ANK3: variants seen among roughly 807,000 people sequenced by gnomAD.
ANK3 encodes the protein ankyrin 3.
Under a neutral mutation model 370.9 loss-of-function variants are expected in ANK3, and 57 were observed. The observed-to-expected ratio is 0.15, with a 90% CI of 0.12 to 0.19. The LOEUF (loss-of-function observed/expected upper bound fraction) is 0.19. Ranked by LOEUF, ANK3 falls within the 10% of genes least tolerant of loss-of-function variation. The pLI, the probability that ANK3 is intolerant of heterozygous loss-of-function variation, is 1.00. For missense variants in ANK3, 4,439 were observed against 5,302.1 expected, an observed-to-expected ratio of 0.84 and a Z score of 5.06; for synonymous variants, 1,929 against 1,946.3, an observed-to-expected ratio of 0.99 and a Z score of 0.23.
chr10:60,308,433 G>T (rs10443912), intron 1 of ANK3, among the ~76,000 whole-genome samples: 1 of 151,226 alleles, frequency 6.6e-6, no homozygotes, highest in Non-Finnish European at 1.5e-5. Flanking sequence ...GCACCAGCAC[G>T]CCTGGCTAAT....
intron 1 of ANK3, among the ~76,000 whole-genome samples, chr10:60,297,425 TATGA>T (rs1238372190): frequency 6.6e-6 from 1 of 152,198 alleles, no homozygotes; most frequent in African/African-American, 2.4e-5. Context: ...TATTAGTAAC[TATGA>T]ATATTTCCCT....
At chr10:60,698,158 C>A (rs1303375694) in intron 1 of ANK3, among the ~76,000 whole-genome samples, 1 of 151,548 alleles carries the variant, frequency 6.6e-6, no homozygotes, top group African/African-American at 2.4e-5. Flanking sequence ...AAAATGCTCA[C>A]CATCAGTGGC....
Position 60,070,430 on chromosome 10 carries a change from C to A in ANK3, c.10451G>T (p.Ser3484Ile). Residue 3484 changes from serine (S) to isoleucine (I), a missense_variant, in exon 37 of 44, where the codon AGT becomes ATT. By Grantham distance (142) the Ser-to-Ile change is moderately radical. Around this residue, in one of 13 missense-constraint regions of ANK3, gnomAD observed 1,601 missense variants for 1,731.7 expected, o/e 0.92. Coordinates refer to ENST00000280772, the MANE Select transcript of ANK3 (RefSeq NM_020987.5). The surrounding 1 kb of genome is among the most constrained non-coding windows in gnomAD (Gnocchi z 5.7). ...GPDEDKPPSK[S>I]SSSEKTPDKT... ...ATCAGGAGTCTTTTCAGATGAAGAA[C>A]TTTTAGAAGGTGGCTTGTCCTCATC... The A allele has an allele frequency of 6.2e-7, 1 of 1,614,082 alleles. No individual in the cohort carries two copies. Among genetic ancestry groups the A allele is most frequent in the Non-Finnish European group, 8.5e-7 (1 of 1,180,012 alleles).
At chr10:60,363,962 G>A (rs7917429) in intron 1 of ANK3, among the ~76,000 whole-genome samples, 54,745 of 148,016 alleles carry the variant, frequency 0.37, 10,886 homozygotes, top group Middle Eastern at 0.5. Flanking sequence ...AAAAGAGGAA[G>A]GAGAAGTGTT....
rs142142821 is a variant in ANK3 at position 60,280,556 on chromosome 10, T to C, written c.115-917A>G. The stretch of plus-strand genomic sequence containing the variant: ...CTAAACTCTAACATCTATAATTTCA[T>C]AGTTGAAACCACCTACTATTGAAAT... On this transcript the variant is annotated intron_variant, in intron 1 of 43. Transcript: ENST00000280772. Among the ~76,000 whole-genome samples the C allele has an allele frequency of 2.2e-3, 342 of 152,306 alleles. 1 individual carries two copies. The highest frequency in any genetic ancestry group is 7.9e-3 in the African/African-American group (329 of 41,576).
rs397844967 is a variant in ANK3, at chr10:60,169,364, G to GTTTGTTTTTTT, written c.2479-2469_2479-2468insAAAAAAACAAA. Among the ~76,000 whole-genome samples the GTTTGTTTTTTT allele has an allele frequency of 3.1e-4, 16 of 51,894 alleles. 1 individual carries two copies. Among genetic ancestry groups the GTTTGTTTTTTT allele is most frequent in the Admixed American group, 8.9e-4 (4 of 4,510 alleles). 34.0% of individuals were successfully genotyped at this position (51,894 alleles called of 152,430 possible). A position where few individuals can be genotyped will look rare whatever the true frequency, so the allele number is the denominator to read the frequency against. On this transcript the variant is annotated intron_variant, in intron 21 of 43. Transcript: ENST00000280772. ...TCCATCAACTGGGGCTTGTCTCATA[G>GTTTGTTTTTTT]TTTTTTTTTTTTTTTTTTTTTTTTA...
chr10:60,654,839 G>T (rs2078841354), intron 1 of ANK3, among the ~76,000 whole-genome samples: 1 of 152,098 alleles, frequency 6.6e-6, no homozygotes, highest in Non-Finnish European at 1.5e-5. Flanking sequence ...CAAAGAGTTT[G>T]TGTAGGTTTA....
At chr10:60,400,514 C>A (rs1594955234) in intron 2 of ANK3, among the ~76,000 whole-genome samples, 1 of 152,136 alleles carries the variant, frequency 6.6e-6, no homozygotes, top group East Asian at 1.9e-4. Context: ...ATAGCATATT[C>A]TATCAAGGTG....
At chr10:60,067,261 A>G (rs1279876865) in intron 38 of ANK3, among the ~76,000 whole-genome samples, 1 of 152,204 alleles carries the variant, frequency 6.6e-6, no homozygotes, top group Non-Finnish European at 1.5e-5. Context: ...TATTTTAAAA[A>G]TCACATTTAA....
intron 28 of ANK3, 92 bp downstream of exon 28, chr10:60,105,813 G>T (rs2092090673): frequency 7.5e-7 from 1 of 1,325,898 alleles, no homozygotes; most frequent in Non-Finnish European, 1.0e-6. Context: ...AAATACAAAT[G>T]TGTGAAATTC....
intron 32 of ANK3, 22 bp downstream of exon 32, chr10:60,084,580 C>A: frequency 6.3e-7 from 1 of 1,597,400 alleles, no homozygotes; most frequent in South Asian, 1.1e-5. Flanking sequence ...ATGAAATGAA[C>A]TTGTTTTTGT....
At chr10:60,637,614 A>G (rs1209820725) in intron 1 of ANK3, among the ~76,000 whole-genome samples, 5 of 152,218 alleles carry the variant, frequency 3.3e-5, no homozygotes, top group Admixed American at 3.3e-4. Context: ...TCTCTGACAT[A>G]GTGAAAAACT....
At chr10:60,154,852 G>T (rs980422667) in intron 23 of ANK3, among the ~76,000 whole-genome samples, 2 of 143,222 alleles carry the variant, frequency 1.4e-5, no homozygotes, top group African/African-American at 5.4e-5. Context: ...AGAATACACT[G>T]ATACGTTTAC....
intron 2 of ANK3, among the ~76,000 whole-genome samples, chr10:60,527,811 A>G (rs1181494875): frequency 6.6e-6 from 1 of 152,118 alleles, no homozygotes; most frequent in Non-Finnish European, 1.5e-5. Context: ...TAAGCATTTC[A>G]GGGAAAAGCT....
chr10:60,051,294 G>A (rs1370267911), intron 42 of ANK3, among the ~76,000 whole-genome samples: 1 of 152,100 alleles, frequency 6.6e-6, no homozygotes, highest in African/African-American at 2.4e-5. Context: ...ATGCAACATG[G>A]CTTCTTTTCT....
intron 7 of ANK3, among the ~76,000 whole-genome samples, chr10:60,247,753 C>T (rs1403953579): frequency 2.0e-5 from 3 of 152,044 alleles, no homozygotes; most frequent in East Asian, 1.9e-4. Context: ...CTGCAACCTC[C>T]GCCTCCCGAG....
intron 1 of ANK3, among the ~76,000 whole-genome samples, chr10:60,295,631 C>T (rs187100826): frequency 1.3e-5 from 2 of 152,158 alleles, no homozygotes; most frequent in African/African-American, 2.4e-5. Flanking sequence ...TCTACAGCAG[C>T]GGTTCTCAAA....
At chr10:60,099,647 A>C (rs966653167) in intron 28 of ANK3, among the ~76,000 whole-genome samples, 1 of 152,140 alleles carries the variant, frequency 6.6e-6, no homozygotes, top group African/African-American at 2.4e-5. Context: ...TAGTCCCTAT[A>C]TGTCACTTTT....
intron 1 of ANK3, among the ~76,000 whole-genome samples, chr10:60,320,472 G>A (rs1213902607): frequency 1.3e-5 from 2 of 152,212 alleles, no homozygotes; most frequent in African/African-American, 4.8e-5. Context: ...GCACATGCCT[G>A]TAATCCCAAA....
Sources: gnomAD v4.1 joint callset for allele counts (sites outside exome capture counted in the v4.1 genomes callset) on GRCh38, gnomAD v4.1.1 for gene constraint, gnomAD v4.1.1 regional missense constraint, Gnocchi (gnomAD v3.1) non-coding constraint, MANE v1.5 for transcripts, NCBI Gene and HGNC (gene_info 2026-07-23, HGNC 2026-07-21) for gene names.